The following HSD17B2 variants were observed in gnomAD, a reference collection of about 807,000 sequenced individuals.
HSD17B2 encodes the protein hydroxysteroid 17-beta dehydrogenase 2, also known as 17-beta-hydroxysteroid dehydrogenase type 2.
A neutral mutation model predicts 26.9 loss-of-function variants in HSD17B2; 32 were observed. That is an observed-to-expected ratio of 1.19 (90% CI 0.90 to 1.60). HSD17B2 has a LOEUF of 1.60. Among genes scored for constraint, HSD17B2 ranks in the 40% most tolerant of loss-of-function variants. The pLI is 0.00. For synonymous variants in HSD17B2, 246 were observed against 186.7 expected, an observed-to-expected ratio of 1.32 and a Z score of -2.59; for missense variants, 613 against 468.6, an observed-to-expected ratio of 1.31 and a Z score of -2.85.
rs183110708 is a variant in HSD17B2, at chr16:82,037,468, C to G, written c.265+1779C>G. 9.9e-5 allele frequency among the ~76,000 whole-genome samples: 15 copies of G among 152,216 alleles called. No homozygotes were observed. In the East Asian group the frequency reaches 2.9e-3, roughly 29 times the overall value. On this transcript the variant is annotated intron_variant, in intron 1 of 4. Transcript: ENST00000199936. The stretch of plus-strand genomic sequence containing the variant: ...TGGCTTATGATAACATAGATTAGCA[C>G]GCATTGTGGTGGGGCAGGACCAAAG...
chr16:82,042,145 A>T (rs1358146644), intron 1 of HSD17B2, among the ~76,000 whole-genome samples: 1 of 152,050 alleles, frequency 6.6e-6, no homozygotes, highest in Non-Finnish European at 1.5e-5. Context: ...CTGGGATTAC[A>T]GGGGCCCACA....
intron 1 of HSD17B2, among the ~76,000 whole-genome samples, chr16:82,066,828 A>C (rs527528151): frequency 4.6e-5 from 7 of 152,280 alleles, no homozygotes; most frequent in African/African-American, 1.7e-4. Context: ...TCCATCTTTA[A>C]AACTGCTTTG....
At chr16:82,046,858 C>A (rs1374012085) in intron 1 of HSD17B2, among the ~76,000 whole-genome samples, 4 of 152,086 alleles carry the variant, frequency 2.6e-5, no homozygotes, top group African/African-American at 9.7e-5. Flanking sequence ...TAACTAAGGC[C>A]AAGTGACAAA....
intron 3 of HSD17B2, among the ~76,000 whole-genome samples, chr16:82,079,673 A>T (rs1012996133): frequency 1.3e-4 from 20 of 152,178 alleles, no homozygotes; most frequent in Non-Finnish European, 2.8e-4. Flanking sequence ...GAACACAGTG[A>T]GGGGCTCTCT....
At chr16:82,069,985 C>G (rs920825556) in intron 2 of HSD17B2, among the ~76,000 whole-genome samples, 1 of 152,128 alleles carries the variant, frequency 6.6e-6, no homozygotes, top group South Asian at 2.1e-4. Context: ...CTAATGTTAG[C>G]GCAGGGCCAA....
chr16:82,079,304 G>A (rs767549898), intron 3 of HSD17B2, among the ~76,000 whole-genome samples: 1 of 152,196 alleles, frequency 6.6e-6, no homozygotes. Flanking sequence ...TTTTCTCACA[G>A]TTGTGGAGGC....
chr16:82,054,226 A>C (rs1201401144), intron 1 of HSD17B2, among the ~76,000 whole-genome samples: 1 of 152,032 alleles, frequency 6.6e-6, no homozygotes, highest in Non-Finnish European at 1.5e-5. Context: ...AAAAAAAAGA[A>C]AAAAAAGAAA....
intron 1 of HSD17B2, among the ~76,000 whole-genome samples, chr16:82,059,477 ACCC>A (rs1914370090): frequency 2.0e-5 from 3 of 152,188 alleles, no homozygotes; most frequent in Admixed American, 2.0e-4. Context: ...GTGGATACCG[ACCC>A]CTATCCAGGC....
rs1271216432 is a variant in HSD17B2, at chr16:82,098,066, T to G, written c.803-9T>G. Reference sequence around the variant, plus strand: ...CAGGATCTGACTCTTCCCTTTCCTTTCACCCCAGATATCGCAGGCACCAGT... The same window carrying G: ...CAGGATCTGACTCTTCCCTTTCCTTGCACCCCAGATATCGCAGGCACCAGT... On this transcript the variant is annotated splice_polypyrimidine_tract_variant and intron_variant, in intron 4 of 4. Coordinates refer to ENST00000199936, the MANE Select transcript of HSD17B2 (RefSeq NM_002153.3). 1 of 1,602,164 alleles carries G rather than the reference T, an allele frequency of 6.2e-7. No homozygotes were observed. The highest frequency in any genetic ancestry group is 1.7e-5 in the Admixed American group (1 of 59,498).
intron 3 of HSD17B2, chr16:82,090,097 C>T (rs963657086): frequency 3.3e-6 from 1 of 303,170 alleles, no homozygotes; most frequent in Non-Finnish European, 4.9e-6. Flanking sequence ...AGAGATGCCC[C>T]ACCATTTCCC....
At chr16:82,038,445 G>A (rs181409007) in intron 1 of HSD17B2, among the ~76,000 whole-genome samples, 31 of 152,286 alleles carry the variant, frequency 2.0e-4, no homozygotes, top group African/African-American at 2.9e-4. Context: ...TGCCTCCCGG[G>A]TTCAAGTGAT....
intron 3 of HSD17B2, 36 bp from the exon 4 acceptor site, chr16:82,090,866 C>T (rs747076806): frequency 1.3e-6 from 2 of 1,569,116 alleles, no homozygotes; most frequent in South Asian, 1.2e-5. Context: ...ATGAACATTT[C>T]TAACTTTGCT....
chr16:82,065,509 A>G (rs1222467353), intron 1 of HSD17B2, among the ~76,000 whole-genome samples: 1 of 152,226 alleles, frequency 6.6e-6, no homozygotes, highest in Non-Finnish European at 1.5e-5. Context: ...AGCTGTGCCA[A>G]TAATAAGGCA....
chr16:82,060,528 T>G (rs1056345188), intron 1 of HSD17B2, among the ~76,000 whole-genome samples: 1 of 152,194 alleles, frequency 6.6e-6, no homozygotes, highest in Non-Finnish European at 1.5e-5. Context: ...TTGATCTGGG[T>G]TTTCAGGTAC....
intron 1 of HSD17B2, among the ~76,000 whole-genome samples, chr16:82,053,933 T>C (rs373844524): frequency 6.6e-4 from 100 of 152,268 alleles, no homozygotes; most frequent in African/African-American, 2.2e-3. Flanking sequence ...TAAGCAGTTG[T>C]TCCTGATAAT....
At chr16:82,090,190 C>T in intron 3 of HSD17B2, 1 of 977,974 alleles carries the variant, frequency 1.0e-6, no homozygotes, top group Non-Finnish European at 1.2e-6. Flanking sequence ...GAATAGTGGA[C>T]CCTCCTCCCC....
chr16:82,043,641 G>A (rs1738822457), intron 1 of HSD17B2, among the ~76,000 whole-genome samples: 1 of 102,392 alleles, frequency 9.8e-6, no homozygotes, highest in African/African-American at 8.0e-5. Context: ...TCGAGATCGC[G>A]CCACTGCACT....
intron 3 of HSD17B2, 149 bp from the exon 4 acceptor site, chr16:82,090,753 C>A: frequency 1.4e-6 from 1 of 693,028 alleles, no homozygotes; most frequent in Non-Finnish European, 2.4e-6. Flanking sequence ...AAGAACATTG[C>A]TCACCTGGGC....
At chr16:82,076,993 T>C (rs1337964685) in intron 3 of HSD17B2, among the ~76,000 whole-genome samples, 3 of 152,208 alleles carry the variant, frequency 2.0e-5, no homozygotes, top group Non-Finnish European at 2.9e-5. Context: ...GAAAATTATA[T>C]AATATTGATG....
Sources: gnomAD v4.1 joint callset for allele counts (sites outside exome capture counted in the v4.1 genomes callset) on GRCh38, gnomAD v4.1.1 for gene constraint, MANE v1.5 for transcripts, NCBI Gene and HGNC (gene_info 2026-07-23, HGNC 2026-07-21) for gene names.